The following TUB variants were observed in gnomAD, a reference collection of about 807,000 sequenced individuals.
TUB encodes TUB bipartite transcription factor, also known as tubby protein homolog.
In TUB, 33 loss-of-function variants were observed where a neutral mutation model predicts 59.7. That is an observed-to-expected ratio of 0.55 (90% CI 0.42 to 0.74). The LOEUF (loss-of-function observed/expected upper bound fraction) is 0.74, where lower values mean the gene tolerates loss of function less well. TUB is among the 30% of genes least tolerant of loss of function. The probability of loss-of-function intolerance (pLI) is 0.00; values close to 1 mark genes in which losing one functional copy is unlikely to be tolerated. For synonymous variants in TUB, 293 were observed against 256.4 expected (o/e 1.14, Z -1.36); for missense variants, 659 against 672.0 (o/e 0.98, Z 0.21).
At chr11:8,029,608 C>G (rs1464090192) in intron 1 of TUB, among the ~76,000 whole-genome samples, 1 of 152,120 alleles carries the variant, frequency 6.6e-6, no homozygotes, top group Non-Finnish European at 1.5e-5. Flanking sequence ...AGGCTGGTCT[C>G]AAACTCCTGA....
At chr11:8,032,964 AAGC>A (rs1368446600) in intron 1 of TUB, among the ~76,000 whole-genome samples, 1 of 152,154 alleles carries the variant, frequency 6.6e-6, no homozygotes, top group African/African-American at 2.4e-5. Flanking sequence ...CCGAGAGACT[AAGC>A]AGGCCAGTTC....
Position 8,031,960 on chromosome 11 carries a change from C to G in TUB, c.56+12602C>G, listed in dbSNP as rs113742741. The stretch of plus-strand genomic sequence containing the variant: ...CTGGCGGCGTGTCCTTGGGCCAGTT[C>G]GGTCCCATCCCCCTGCCTAGCTCTG... On this transcript the variant is annotated intron_variant, in intron 1 of 11. Coordinates refer to the TUB transcript ENST00000534099. Among the ~76,000 whole-genome samples the G allele has an allele frequency of 2.9e-3, 444 of 152,304 alleles. 1 individual carries two copies. Among genetic ancestry groups the G allele is most frequent in the African/African-American group, 0.01 (432 of 41,568 alleles).
intron 1 of TUB, among the ~76,000 whole-genome samples, chr11:8,083,075 T>A (rs1489822726): frequency 6.6e-6 from 1 of 152,166 alleles, no homozygotes; most frequent in East Asian, 1.9e-4. Flanking sequence ...GGGGCACAGG[T>A]AGTTTCTGGA....
In TUB at chr11:8,105,491, T is replaced by G. The variant is rs1944523890; in HGVS notation, c.*3872T>G. 1 of 151,960 alleles carries G rather than the reference T, an allele frequency of 6.6e-6. No individual in the cohort carries two copies. The highest frequency in any genetic ancestry group is 6.6e-5 in the Admixed American group (1 of 15,230). 9.4% of individuals were successfully genotyped at this position (151,960 alleles called of 1,614,324 possible). On this transcript the variant is annotated 3_prime_UTR_variant, in exon 12 of 12. Coordinates refer to ENST00000299506, the MANE Select transcript of TUB (RefSeq NM_177972.3). ...GGCAGAACAGATAGATTACGACAGG[T>G]TTGGTTTTTAAATTTTCCAACCAAG...
chr11:8,081,279 G>A lies in TUB; in HGVS notation c.-232G>A. 1.3e-6 allele frequency: 1 copy of A among 772,494 alleles called. No homozygotes were observed. Among genetic ancestry groups the A allele is most frequent in the South Asian group, 5.8e-5 (1 of 17,322 alleles). 47.9% of individuals were successfully genotyped at this position (772,494 alleles called of 1,614,324 possible). A position where few individuals can be genotyped will look rare whatever the true frequency, so the allele number is the denominator to read the frequency against. On this transcript the variant is annotated 5_prime_UTR_variant, in exon 1 of 12. Coordinates refer to ENST00000299506, the MANE Select transcript of TUB (RefSeq NM_177972.3). Reference sequence around the variant, plus strand: ...CCTCCCCGCCTCCACGCGCGCGCACGACCCGCGCACTCCCGGAGCTTCGCC... The same window carrying A: ...CCTCCCCGCCTCCACGCGCGCGCACAACCCGCGCACTCCCGGAGCTTCGCC...
intron 1 of TUB, among the ~76,000 whole-genome samples, chr11:8,081,990 C>T (rs1367105135): frequency 6.6e-6 from 1 of 152,206 alleles, no homozygotes; most frequent in Non-Finnish European, 1.5e-5. Flanking sequence ...AGCATGGATC[C>T]GTGAAGACAG....
intron 11 of TUB, 75 bp from the exon 12 acceptor site, chr11:8,101,411 T>C: frequency 6.3e-7 from 1 of 1,575,494 alleles, no homozygotes; most frequent in Non-Finnish European, 8.7e-7. Flanking sequence ...GTGGTTTGGG[T>C]GTCTGTCTAT....
intron 2 of TUB, among the ~76,000 whole-genome samples, chr11:8,052,968 TAATA>T (rs1474901360): frequency 6.6e-6 from 1 of 152,216 alleles, no homozygotes; most frequent in Middle Eastern, 3.2e-3. Context: ...TCTTCTTTTC[TAATA>T]ATTATGTGAA....
chr11:8,058,282 T>C (rs889956297), intron 2 of TUB, among the ~76,000 whole-genome samples: 3 of 150,886 alleles, frequency 2.0e-5, no homozygotes, highest in Non-Finnish European at 4.4e-5. Context: ...TTTACAAAGG[T>C]AATATACTGA....
At chr11:8,089,584 C>T in intron 1 of TUB, 26 bp from the exon 2 acceptor site, 1 of 1,614,024 alleles carries the variant, frequency 6.2e-7, no homozygotes, top group Non-Finnish European at 8.5e-7. Context: ...CGGGCAAGCC[C>T]TGAAAACCCC....
In TUB at chr11:8,101,537, TG is replaced by T; in HGVS notation, c.1441del (p.Asp481IlefsTer57). The T allele has an allele frequency of 6.2e-7, 1 of 1,614,250 alleles. No individual in the cohort carries two copies. Among genetic ancestry groups the T allele is most frequent in the Non-Finnish European group, 8.5e-7 (1 of 1,180,050 alleles). ...FGRVAEDVFT[M>X]DYNYPLCALQ... ...CGGGTAGCAGAGGATGTGTTCACCA[TG>T]GATTACAACTACCCGCTGTGTGCAC... On this transcript the variant is annotated frameshift_variant, in exon 12 of 12. Coordinates refer to ENST00000299506, the MANE Select transcript of TUB (RefSeq NM_177972.3). LOFTEE classifies it high-confidence loss of function.
At chr11:8,069,324 G>A (rs190987771) in intron 2 of TUB, 4 of 146,270 alleles carry the variant, frequency 2.7e-5, no homozygotes, top group Middle Eastern at 3.6e-3. Context: ...GATAACCACA[G>A]GACACTTTAT....
At chr11:8,079,027 A>T (rs1943497595), upstream of TUB, among the ~76,000 whole-genome samples, 1 of 152,140 alleles carries the variant, frequency 6.6e-6, no homozygotes, top group African/African-American at 2.4e-5. Context: ...AAGCCATCTT[A>T]CTTCTGCACC....
Position 8,081,442 on chromosome 11 carries a change from G to A in TUB, c.-69G>A. ...CCCGGGGCGGCCCGGGAGCTGAGCA[G>A]GGCCCCCGCGCCGGCCCCTCCGGGC... On this transcript the variant is annotated 5_prime_UTR_variant, in exon 1 of 12. Coordinates refer to ENST00000299506, the MANE Select transcript of TUB (RefSeq NM_177972.3). The A allele has an allele frequency of 1.5e-6, 2 of 1,331,196 alleles. No homozygotes were observed. The highest frequency in any genetic ancestry group is 1.6e-5 in the African/African-American group (1 of 63,692). 82.5% of individuals were successfully genotyped at this position (1,331,196 alleles called of 1,614,324 possible).
chr11:8,081,580 C>T (rs1252930388), intron 1 of TUB, 32 bp downstream of exon 1: 2 of 1,508,740 alleles, frequency 1.3e-6, no homozygotes, highest in East Asian at 2.7e-5. Flanking sequence ...GCGCCCACCA[C>T]TCCCGACTCG....
chr11:8,038,677 G>A (rs981754604), exon 1 of TUB: 17 of 1,394,116 alleles, frequency 1.2e-5, no homozygotes, highest in Admixed American at 5.9e-5. Flanking sequence ...GGGAGACTGC[G>A]ACCAGAAGAT....
rs1332056546 is a variant in TUB at position 8,052,762 on chromosome 11, A to C, written c.203+13070A>C. ...AGTGCTGGGATTACAGGCGTGAGCC[A>C]CTGTGCCCGGCCGGACCTTTTTAAT... is the stretch of plus-strand genomic sequence containing the variant. On this transcript the variant is annotated intron_variant, in intron 2 of 12. Coordinates refer to the TUB transcript ENST00000305253. Among the ~76,000 whole-genome samples, 3 of 152,338 alleles carry C rather than the reference A, an allele frequency of 2.0e-5. No individual in the cohort carries two copies. The East Asian group carries it at 5.8e-4, about 29-fold the overall frequency.
At chr11:8,026,974 T>A (rs1050947176) in intron 1 of TUB, among the ~76,000 whole-genome samples, 1 of 152,202 alleles carries the variant, frequency 6.6e-6, no homozygotes, top group Non-Finnish European at 1.5e-5. Flanking sequence ...AGTGTATAGG[T>A]CTTTAACCTC....
chr11:8,076,466 G>C (rs1943450201), upstream of TUB: 1 of 152,150 alleles, frequency 6.6e-6, no homozygotes, highest in South Asian at 2.1e-4. Flanking sequence ...GTATGCATTA[G>C]AGATGGGTGT....
Sources: allele counts gnomAD v4.1 joint callset (sites outside exome capture counted in the v4.1 genomes callset), GRCh38; gene constraint gnomAD v4.1.1; transcripts MANE v1.5; gene names NCBI Gene and HGNC (gene_info 2026-07-23, HGNC 2026-07-21).